Variants in GRIP2 observed in about 807,000 individuals in gnomAD.
GRIP2 encodes glutamate receptor interacting protein 2, also known as glutamate receptor-interacting protein 2.
In GRIP2, 58 loss-of-function variants were observed where a neutral mutation model predicts 108.3. The observed-to-expected ratio is 0.54, with a 90% CI of 0.43 to 0.67. GRIP2 has a LOEUF of 0.67. Ranked by LOEUF, GRIP2 falls within the 30% of genes least tolerant of loss-of-function variation. The pLI, the probability that GRIP2 is intolerant of heterozygous loss-of-function variation, is 0.00. For synonymous variants in GRIP2, 586 were observed against 598.2 expected, an observed-to-expected ratio of 0.98 and a Z score of 0.30; for missense variants, 1,278 against 1,430.6, an observed-to-expected ratio of 0.89 and a Z score of 1.72.
upstream of GRIP2, among the ~76,000 whole-genome samples, chr3:14,560,850 T>G (rs183423528): frequency 2.0e-5 from 3 of 152,228 alleles, no homozygotes; most frequent in Admixed American, 2.0e-4. Context: ...CATCTCAGAG[T>G]TCCAGATTCC....
At chr3:14,510,725 A>T (rs1296933162) in intron 16 of GRIP2, among the ~76,000 whole-genome samples, 1 of 152,074 alleles carries the variant, frequency 6.6e-6, no homozygotes, top group African/African-American at 2.4e-5. Flanking sequence ...TGCCTCTCCA[A>T]TCCATACAGC....
At chr3:14,513,954 T>G in intron 12 of GRIP2, 144 bp from the exon 13 acceptor site, 1 of 1,007,334 alleles carries the variant, frequency 9.9e-7, no homozygotes, top group Non-Finnish European at 1.4e-6. Flanking sequence ...CACCTGTGTA[T>G]CCTCAGGAAT....
Position 14,503,566 on chromosome 3 carries a change from C to T in GRIP2, c.2679G>A (p.Glu893=). ...CGQSELLREL[E]ASIMTGTVQR... ...AGGCCTGCAGGGCAGGCAGCCATAC[C>T]TCCAGTTCCCTCAGCAGCTCTGACT... Residue 893 remains glutamate (E), a splice_region_variant and synonymous_variant, in exon 21 of 24, where the codon GAG becomes GAA. Transcript: ENST00000621039. The T allele has an allele frequency of 6.2e-7, 1 of 1,607,502 alleles. No homozygotes were observed. Among genetic ancestry groups the T allele is most frequent in the Non-Finnish European group, 8.5e-7 (1 of 1,176,806 alleles).
At chr3:14,533,625 G>A (rs988210300) in intron 1 of GRIP2, among the ~76,000 whole-genome samples, 21 of 152,064 alleles carry the variant, frequency 1.4e-4, no homozygotes, top group Non-Finnish European at 4.4e-5. Flanking sequence ...GCGAAGGGGG[G>A]GACCCATGCC....
chr3:14,592,298 AG>A, the GRIP2 span, among the ~76,000 whole-genome samples: 1 of 152,174 alleles, frequency 6.6e-6, no homozygotes, highest in Non-Finnish European at 1.5e-5. Flanking sequence ...GGGGCCTTCC[AG>A]GGCTCTGAGG....
At position 14,504,805 on chromosome 3, in the gene GRIP2, A is replaced by G. The variant is rs117556430; in HGVS notation, c.2573+810T>C. 3.1e-3 allele frequency among the ~76,000 whole-genome samples: 473 copies of G among 152,334 alleles called. 9 individuals carry two copies. Among genetic ancestry groups the G allele is most frequent in the Admixed American group, 0.014 (217 of 15,304 alleles). On this transcript the variant is annotated intron_variant, in intron 20 of 23. Coordinates refer to ENST00000621039, the MANE Select transcript of GRIP2 (RefSeq NM_001080423.4). ...TGGGCACAGGGATATGGAAGAGAAT[A>G]AAGTGTGGCCCCTGTTCTTACAGAG...
At position 14,507,153 on chromosome 3, in the gene GRIP2, G is replaced by A. The variant is rs761279057; in HGVS notation, c.2219-173C>T. ...TTCACAGATGGGAAAACTGAGGCTCGGGGAAGCTGAGCAGCATGCCCGAGA... is the reference window on the plus strand; with the variant it reads ...TTCACAGATGGGAAAACTGAGGCTCAGGGAAGCTGAGCAGCATGCCCGAGA... On this transcript the variant is annotated intron_variant, in intron 18 of 23. Coordinates refer to ENST00000621039, the MANE Select transcript of GRIP2 (RefSeq NM_001080423.4). This position sits in a 1 kb window ranked among gnomAD's most constrained non-coding sequence, Gnocchi z 4.6. 2.0e-5 allele frequency among the ~76,000 whole-genome samples: 3 copies of A among 151,638 alleles called. No homozygotes were observed. Among genetic ancestry groups the A allele is most frequent in the South Asian group, 2.1e-4 (1 of 4,778 alleles).
At chr3:14,573,649 T>G in the GRIP2 span, 1 of 1,499,742 alleles carries the variant, frequency 6.7e-7, no homozygotes, top group South Asian at 1.1e-5. Flanking sequence ...ACACAGTCCA[T>G]GTGGGGAAGG....
In GRIP2 at chr3:14,514,351, G is replaced by C. The variant is rs750487270; in HGVS notation, c.1434C>G (p.Thr478=). The C allele has an allele frequency of 1.9e-6, 3 of 1,577,912 alleles. No homozygotes were observed. The highest frequency in any genetic ancestry group is 1.7e-4 in the Middle Eastern group (1 of 5,856). Residue 478 remains threonine, a synonymous_variant, in exon 12 of 24, where the codon ACC becomes ACG. Coordinates refer to ENST00000621039, the MANE Select transcript of GRIP2 (RefSeq NM_001080423.4). ...CGAGGGGTGGGGAGGACAGGGTCTCGGTGGCGAAGATGCCGCCCTGGAGCT... is the reference window on the plus strand; with the variant it reads ...CGAGGGGTGGGGAGGACAGGGTCTCCGTGGCGAAGATGCCGCCCTGGAGCT... ...GLQLQGGIFA[T]ETLSSPPLVC... is the part of the protein sequence containing the mutation.
At chr3:14,494,227 G>A (rs1177233883) in intron 23 of GRIP2, among the ~76,000 whole-genome samples, 1 of 152,146 alleles carries the variant, frequency 6.6e-6, no homozygotes, top group Non-Finnish European at 1.5e-5. Context: ...CACTCCTAAT[G>A]GAGACAAAAA....
chr3:14,573,250 G>T, the GRIP2 span: 1 of 1,407,818 alleles, frequency 7.1e-7, no homozygotes, highest in South Asian at 1.2e-5. Flanking sequence ...ATGCCAAACT[G>T]GGAGCCAGCT....
Position 14,513,680 on chromosome 3 carries a change from C to G in GRIP2, c.1624G>C (p.Glu542Gln). ...ACTCACTCACCCGCCACATCGAACT[C>G]CACCTCCAGCACGACCTTGTGGGCC... is the stretch of plus-strand genomic sequence containing the variant. ...ALAHKVVLEV[E>Q]FDVAESVIPS... is the part of the protein sequence containing the mutation. The change falls in exon 13 of 24, where the codon GAG becomes CAG. Residue 542 changes from glutamate (E) to glutamine (Q), a missense_variant. Coordinates refer to ENST00000621039, the MANE Select transcript of GRIP2 (RefSeq NM_001080423.4). The G allele has an allele frequency of 6.2e-7, 1 of 1,610,312 alleles. No homozygotes were observed. The highest frequency in any genetic ancestry group is 8.5e-7 in the Non-Finnish European group (1 of 1,178,516).
chr3:14,540,173 G>A lies in GRIP2; in HGVS notation c.40+96C>T. On this transcript the variant is annotated intron_variant, in intron 1 of 23. Coordinates refer to ENST00000621039, the MANE Select transcript of GRIP2 (RefSeq NM_001080423.4). The surrounding 1 kb of genome is among the most constrained non-coding windows in gnomAD (Gnocchi z 4.1). ...GGTCTCCAGGGAGTGGCAGTCCCAG[G>A]TCTCAGCCATCCAGTCCCCTCTCTC... is the stretch of plus-strand genomic sequence containing the variant. 1 of 1,461,552 alleles carries A rather than the reference G, an allele frequency of 6.8e-7. No homozygotes were observed. The highest frequency in any genetic ancestry group is 9.3e-7 in the Non-Finnish European group (1 of 1,077,816). 90.5% of individuals were successfully genotyped at this position (1,461,552 alleles called of 1,614,324 possible).
At chr3:14,580,589 A>G in the GRIP2 span, among the ~76,000 whole-genome samples, 1 of 152,220 alleles carries the variant, frequency 6.6e-6, no homozygotes, top group African/African-American at 2.4e-5. Context: ...CCAACTTGAG[A>G]GACTGAGGCA....
the GRIP2 span, among the ~76,000 whole-genome samples, chr3:14,597,616 A>G: frequency 6.6e-6 from 1 of 152,236 alleles, no homozygotes; most frequent in Non-Finnish European, 1.5e-5. Flanking sequence ...TAGAAAGCCA[A>G]CTGCAAAGAA....
At chr3:14,503,895 C>T (rs977794656) in intron 20 of GRIP2, 7 of 562,652 alleles carry the variant, frequency 1.2e-5, no homozygotes, top group Admixed American at 3.3e-5. Flanking sequence ...CCAGGACTGT[C>T]GGTGGCCAGT....
intron 1 of GRIP2, among the ~76,000 whole-genome samples, chr3:14,530,647 A>G (rs1003914884): frequency 2.0e-5 from 3 of 152,118 alleles, no homozygotes; most frequent in African/African-American, 4.8e-5. Context: ...TGTTTTTCAA[A>G]TTTCATTTTC....
At chr3:14,547,057 G>T (rs372468395), upstream of GRIP2, among the ~76,000 whole-genome samples, 1 of 152,302 alleles carries the variant, frequency 6.6e-6, no homozygotes, top group East Asian at 1.9e-4. Flanking sequence ...TAGGGTAGGG[G>T]ACAGGTAACG....
chr3:14,523,850 G>A (rs4685174), intron 4 of GRIP2, 152 bp from the exon 5 acceptor site: 274,534 of 627,964 alleles, frequency 0.44, 62,869 homozygotes, highest in East Asian at 0.59. Context: ...GAACAAGTGA[G>A]GCTTAGAGGG....
Sources: allele counts gnomAD v4.1 joint callset (sites outside exome capture counted in the v4.1 genomes callset), GRCh38; gene constraint gnomAD v4.1.1; non-coding constraint Gnocchi (gnomAD v3.1); transcripts MANE v1.5; gene names NCBI Gene and HGNC (gene_info 2026-07-23, HGNC 2026-07-21).